Variants in PROX1 observed in about 807,000 individuals in gnomAD.
PROX1 encodes the protein prospero homeobox protein 1.
PROX1 carries 7 observed loss-of-function variants against 58.8 expected under a neutral mutation model. The ratio of observed to expected loss-of-function variants is 0.12; its 90% CI spans 0.07 to 0.22. PROX1 has a LOEUF of 0.22. Among genes scored for constraint, PROX1 ranks in the 10% least tolerant of loss-of-function variants. The pLI is 1.00. For missense variants in PROX1, 675 were observed against 927.8 expected (o/e 0.73, Z 3.54); for synonymous variants, 350 against 358.3 (o/e 0.98, Z 0.26).
At chr1:214,024,325 G>A (rs1664381009) in intron 4 of PROX1, among the ~76,000 whole-genome samples, 1 of 152,124 alleles carries the variant, frequency 6.6e-6, no homozygotes, top group South Asian at 2.1e-4. Context: ...GAATTCCCTG[G>A]AAATACAGAA....
At position 214,000,626 on chromosome 1, in the gene PROX1, C is replaced by T. The variant is rs144395476; in HGVS notation, c.1725+2366C>T. Among the ~76,000 whole-genome samples the T allele has an allele frequency of 4.2e-3, 635 of 152,242 alleles. 5 individuals carry two copies. The highest frequency in any genetic ancestry group is 0.015 in the African/African-American group (616 of 41,546). ...TGGCCTTCTATGCTCCTATTCTTTT[C>T]CCCCCTCTACTATTAATACATTGCA... On this transcript the variant is annotated intron_variant, in intron 2 of 4. Coordinates refer to ENST00000366958, the MANE Select transcript of PROX1 (RefSeq NM_001270616.2).
intron 4 of PROX1, among the ~76,000 whole-genome samples, chr1:214,021,317 C>T (rs1013868676): frequency 3.3e-5 from 5 of 152,294 alleles, no homozygotes; most frequent in South Asian, 2.1e-4. Context: ...CTTCTTTTTA[C>T]GGCTCTAAAC....
At chr1:213,987,706 T>G (rs983233988), upstream of PROX1, 14 of 5,670 alleles carry the variant, frequency 2.5e-3, no homozygotes, top group South Asian at 0.012. Flanking sequence ...TGTGGCAGGG[T>G]GGGGGTGGGG....
chr1:214,033,838 C>A (rs1664743051), intron 4 of PROX1, among the ~76,000 whole-genome samples: 1 of 152,198 alleles, frequency 6.6e-6, no homozygotes, highest in Non-Finnish European at 1.5e-5. Flanking sequence ...GGGCTAAGCT[C>A]TCCTCCAACA....
At chr1:214,022,463 G>A (rs563980020) in intron 4 of PROX1, among the ~76,000 whole-genome samples, 23 of 152,266 alleles carry the variant, frequency 1.5e-4, no homozygotes, top group Non-Finnish European at 1.0e-4. Context: ...GTAAACAAAC[G>A]GGCAATGAGG....
intron 1 of PROX1, among the ~76,000 whole-genome samples, chr1:213,993,231 T>C (rs771842198): frequency 2.0e-5 from 3 of 152,152 alleles, no homozygotes; most frequent in African/African-American, 7.2e-5. Flanking sequence ...AATAATACAT[T>C]TGGGTTCAAA....
At chr1:214,021,868 A>C (rs1664291365) in intron 4 of PROX1, among the ~76,000 whole-genome samples, 1 of 152,218 alleles carries the variant, frequency 6.6e-6, no homozygotes, top group Non-Finnish European at 1.5e-5. Context: ...CCTGCCCTCC[A>C]GATGTTTTCA....
chr1:214,000,073 C>T (rs1205151461), intron 2 of PROX1, among the ~76,000 whole-genome samples: 1 of 151,536 alleles, frequency 6.6e-6, no homozygotes. Context: ...CACAGACACA[C>T]ACACACAGAG....
upstream of PROX1, chr1:213,987,746 G>A (rs896987496): frequency 4.2e-5 from 6 of 143,268 alleles, no homozygotes; most frequent in Admixed American, 6.7e-5. Flanking sequence ...GCCGGGGAGG[G>A]GGAGCGCAGG....
At chr1:214,004,559 C>T (rs565174558) in intron 2 of PROX1, among the ~76,000 whole-genome samples, 1 of 152,056 alleles carries the variant, frequency 6.6e-6, no homozygotes, top group Non-Finnish European at 1.5e-5. Flanking sequence ...ACTACTCTTC[C>T]CAAGTTTTAG....
rs1663662586 is a variant in PROX1, at chr1:214,005,187, A to G, written c.1748A>G (p.Asn583Ser). Residue 583 changes from asparagine (N) to serine (S), a missense_variant, in exon 3 of 5, where the codon AAT becomes AGT. Coordinates refer to ENST00000366958, the MANE Select transcript of PROX1 (RefSeq NM_001270616.2). ...GSAMQEGLSP[N>S]HLKKAKLMFF... Reference sequence around the variant, plus strand: ...TACATGCAGGAAGGATTGTCACCCAATCACTTGAAAAAAGCAAAGCTCATG... The same window carrying G: ...TACATGCAGGAAGGATTGTCACCCAGTCACTTGAAAAAAGCAAAGCTCATG... 8.7e-6 allele frequency: 14 copies of G among 1,614,012 alleles called. No individual in the cohort carries two copies. The highest frequency in any genetic ancestry group is 1.2e-5 in the Non-Finnish European group (14 of 1,179,898).
intron 3 of PROX1, 137 bp from the exon 4 acceptor site, chr1:214,011,384 C>T: frequency 1.4e-6 from 1 of 713,056 alleles, no homozygotes; most frequent in Non-Finnish European, 2.2e-6. Context: ...CCTCTCTTGC[C>T]ACCATTTTGG....
chr1:214,001,539 A>G (rs1389012493), intron 2 of PROX1, among the ~76,000 whole-genome samples: 3 of 152,192 alleles, frequency 2.0e-5, no homozygotes, highest in Non-Finnish European at 4.4e-5. Flanking sequence ...AGCCGTTAAG[A>G]CGTGCAGGTG....
intron 2 of PROX1, among the ~76,000 whole-genome samples, chr1:214,001,835 C>T (rs1263871934): frequency 6.6e-6 from 1 of 151,380 alleles, no homozygotes; most frequent in Admixed American, 6.6e-5. Context: ...CTACCCCCCT[C>T]CCCTGAAAAA....
In PROX1 at chr1:214,036,522, C is replaced by A. The variant is rs914799227; in HGVS notation, c.*688C>A. 1.3e-5 allele frequency: 2 copies of A among 152,180 alleles called. No individual in the cohort carries two copies. Among genetic ancestry groups the A allele is most frequent in the Non-Finnish European group, 2.9e-5 (2 of 68,026 alleles). The allele number at this position is 152,180 out of a possible 1,614,324, so 9.4% of individuals were successfully genotyped here. A position where few individuals can be genotyped will look rare whatever the true frequency, so the allele number is the denominator to read the frequency against. On this transcript the variant is annotated 3_prime_UTR_variant, in exon 5 of 5. Transcript: ENST00000366958. ...GCAAAGCAATTTTGCACAAAACCAG[C>A]TCTCTCAAGATGAGACTAGAAATTC...
chr1:214,021,928 C>T (rs1436866691), intron 4 of PROX1, among the ~76,000 whole-genome samples: 1 of 152,180 alleles, frequency 6.6e-6, no homozygotes, highest in African/African-American at 2.4e-5. Context: ...GAGGAGATAG[C>T]CTTAGTCTTG....
chr1:213,985,397 G>A (rs1662799530), upstream of PROX1: 1 of 152,412 alleles, frequency 6.6e-6, no homozygotes, highest in African/African-American at 2.4e-5. Context: ...CTCCCCGACA[G>A]TAGAGGACAG....
At chr1:214,013,887 T>C (rs1664003910) in intron 4 of PROX1, among the ~76,000 whole-genome samples, 2 of 152,216 alleles carry the variant, frequency 1.3e-5, no homozygotes, top group Admixed American at 1.3e-4. Flanking sequence ...TGGACTATTC[T>C]GGATCTGATT....
At chr1:214,025,754 T>C (rs551418243) in intron 4 of PROX1, among the ~76,000 whole-genome samples, 1 of 151,598 alleles carries the variant, frequency 6.6e-6, no homozygotes, top group African/African-American at 2.4e-5. Flanking sequence ...CCTCCGCCTC[T>C]TGGGTTCAAG....
Sources: gnomAD v4.1 joint callset for allele counts (sites outside exome capture counted in the v4.1 genomes callset) on GRCh38, gnomAD v4.1.1 for gene constraint, MANE v1.5 for transcripts, NCBI Gene and HGNC (gene_info 2026-07-23, HGNC 2026-07-21) for gene names.